Variants in C1orf198 observed in about 807,000 individuals in gnomAD.
The protein encoded by C1orf198 is uncharacterized protein C1orf198.
Under a neutral mutation model 31.4 loss-of-function variants are expected in C1orf198, and 17 were observed. The ratio of observed to expected loss-of-function variants is 0.54; its 90% CI spans 0.37 to 0.81. The LOEUF (loss-of-function observed/expected upper bound fraction) is 0.81, where lower values mean the gene tolerates loss of function less well. C1orf198 is among the 40% of genes least tolerant of loss of function. The pLI, the probability that C1orf198 is intolerant of heterozygous loss-of-function variation, is 0.00. For synonymous variants in C1orf198, 175 were observed against 193.8 expected, an observed-to-expected ratio of 0.90 and a Z score of 0.81; for missense variants, 401 against 450.3, an observed-to-expected ratio of 0.89 and a Z score of 0.99.
intron 2 of C1orf198, among the ~76,000 whole-genome samples, chr1:230,850,144 G>A (rs1321485024): frequency 6.6e-6 from 1 of 152,202 alleles, no homozygotes; most frequent in Admixed American, 6.5e-5. Flanking sequence ...GGACAAAGAC[G>A]CACCAACAAG....
chr1:230,859,156 C>A (rs1669946418), intron 1 of C1orf198, among the ~76,000 whole-genome samples: 1 of 152,198 alleles, frequency 6.6e-6, no homozygotes, highest in Admixed American at 6.5e-5. Flanking sequence ...CAAAAAAGCA[C>A]TGGCGGCAAG....
At chr1:230,850,057 G>A (rs930163798) in intron 2 of C1orf198, among the ~76,000 whole-genome samples, 1 of 152,200 alleles carries the variant, frequency 6.6e-6, no homozygotes, top group Non-Finnish European at 1.5e-5. Flanking sequence ...TGGGTGCAGA[G>A]GTGCACCAGT....
Position 230,843,441 on chromosome 1 carries a change from G to A in C1orf198, c.840C>T (p.Pro280=), listed in dbSNP as rs558480225. The A allele has an allele frequency of 1.1e-5, 17 of 1,597,770 alleles. No individual in the cohort carries two copies. In the South Asian group the frequency reaches 1.8e-4, roughly 17 times the overall value. ...AFSSALHEAA[P]SQLEGKLPSP... ...ATGGCAGCTTCCCCTCGAGCTGGGA[G>A]GGGGCAGCCTCGTGCAGTGCACTGC... The change falls in exon 3 of 4, where the codon CCC becomes CCT. Residue 280 remains proline (P), a synonymous_variant. Transcript: ENST00000366663. This position sits in a 1 kb window ranked among gnomAD's most constrained non-coding sequence, Gnocchi z 4.9.
rs1344663034 is a variant in C1orf198, at chr1:230,843,504, G to A, written c.777C>T (p.Ser259=). Reference sequence around the variant, plus strand: ...CAGGCTGGGGTCTCTCACGTTCGGTGCTCACGTTGGGAAGAGGACGCTGCT... The same window carrying A: ...CAGGCTGGGGTCTCTCACGTTCGGTACTCACGTTGGGAAGAGGACGCTGCT... ...RQEQRPLPNV[S]TERERPQPVQ... is the part of the protein sequence containing the mutation. Residue 259 remains serine, a synonymous_variant, in exon 3 of 4, where the codon AGC becomes AGT. Transcript: ENST00000366663. This position sits in a 1 kb window ranked among gnomAD's most constrained non-coding sequence, Gnocchi z 4.9. 4 of 1,612,262 alleles carry A rather than the reference G, an allele frequency of 2.5e-6. No homozygotes were observed. In the Admixed American group the frequency reaches 5.0e-5, roughly 20 times the overall value.
rs1411494214 is a variant in C1orf198 at position 230,843,741 on chromosome 1, G to T, written c.540C>A (p.Gly180=). ...ACGCTTCCTCCTCCTTCCTGGTGGG[G>T]CCCAGGGCGTCCAGGCTGGAGGACC... is the stretch of plus-strand genomic sequence containing the variant. The part of the protein sequence containing the change: ...GSRSSSLDAL[G]PTRKEEEASF... Residue 180 remains glycine (G), a synonymous_variant, in exon 3 of 4, where the codon GGC becomes GGA. Transcript: ENST00000366663. This position sits in a 1 kb window ranked among gnomAD's most constrained non-coding sequence, Gnocchi z 4.9. The T allele has an allele frequency of 6.2e-7, 1 of 1,613,998 alleles. No individual in the cohort carries two copies. Among genetic ancestry groups the T allele is most frequent in the African/African-American group, 1.3e-5 (1 of 74,950 alleles).
Position 230,841,116 on chromosome 1 carries a change from G to A in C1orf198, c.928-1208C>T, listed in dbSNP as rs74144844. ...GCCGAGTCTCAGAGAAAGAGTGCTG[G>A]TTAGGGAGGCAGGGAACTGAGCCTG... On this transcript the variant is annotated intron_variant, in intron 3 of 3. Coordinates refer to ENST00000366663, the MANE Select transcript of C1orf198 (RefSeq NM_032800.3). Among the ~76,000 whole-genome samples, 637 of 152,318 alleles carry A rather than the reference G, an allele frequency of 4.2e-3. 6 individuals carry two copies. Among genetic ancestry groups the A allele is most frequent in the African/African-American group, 0.014 (595 of 41,574 alleles).
intron 1 of C1orf198, among the ~76,000 whole-genome samples, chr1:230,865,713 T>A (rs962398686): frequency 2.6e-5 from 4 of 152,168 alleles, no homozygotes; most frequent in Non-Finnish European, 4.4e-5. Context: ...CTTCAGTGAG[T>A]GAACTGAGCC....
chr1:230,866,941 A>T (rs1670133965), intron 1 of C1orf198, among the ~76,000 whole-genome samples: 1 of 152,222 alleles, frequency 6.6e-6, no homozygotes, highest in Non-Finnish European at 1.5e-5. Flanking sequence ...ATAAAGAAAC[A>T]CTGGCAGCAT....
At chr1:230,859,067 G>C (rs1669943827) in intron 1 of C1orf198, among the ~76,000 whole-genome samples, 1 of 152,136 alleles carries the variant, frequency 6.6e-6, no homozygotes, top group Non-Finnish European at 1.5e-5. Flanking sequence ...AAACAATAAA[G>C]TGCTTAACAA....
At chr1:230,851,830 C>T (rs1669753030) in intron 2 of C1orf198, among the ~76,000 whole-genome samples, 3 of 152,324 alleles carry the variant, frequency 2.0e-5, no homozygotes, top group Admixed American at 6.5e-5. Flanking sequence ...ATCAAAGCTG[C>T]GTTGCATGGG....
Position 230,843,750 on chromosome 1 carries a change from G to A in C1orf198, c.531C>T (p.Asp177=), listed in dbSNP as rs370293584. 55 of 1,613,902 alleles carry A rather than the reference G, an allele frequency of 3.4e-5. No individual in the cohort carries two copies. Among genetic ancestry groups the A allele is most frequent in the Admixed American group, 1.7e-4 (10 of 60,004 alleles). ...SSQGSRSSSL[D]ALGPTRKEEE... Reference sequence around the variant, plus strand: ...CCTCCTTCCTGGTGGGGCCCAGGGCGTCCAGGCTGGAGGACCTGCTGCCTT... The same window carrying A: ...CCTCCTTCCTGGTGGGGCCCAGGGCATCCAGGCTGGAGGACCTGCTGCCTT... The change falls in exon 3 of 4, where the codon GAC becomes GAT. Residue 177 remains aspartate (D), a synonymous_variant. Coordinates refer to ENST00000366663, the MANE Select transcript of C1orf198 (RefSeq NM_032800.3). This position sits in a 1 kb window ranked among gnomAD's most constrained non-coding sequence, Gnocchi z 4.9.
chr1:230,858,726 C>G (rs562109348), intron 1 of C1orf198, among the ~76,000 whole-genome samples: 2 of 152,292 alleles, frequency 1.3e-5, no homozygotes, highest in Admixed American at 1.3e-4. Flanking sequence ...GCTGGACTCC[C>G]CTGTTACTCG....
chr1:230,866,692 A>T (rs1331667989), intron 1 of C1orf198, among the ~76,000 whole-genome samples: 1 of 152,166 alleles, frequency 6.6e-6, no homozygotes, highest in Non-Finnish European at 1.5e-5. Flanking sequence ...TTCCTGTCAT[A>T]TTTATTCGTG....
At chr1:230,869,376 T>G (rs1318910523), upstream of C1orf198, 2 of 152,208 alleles carry the variant, frequency 1.3e-5, no homozygotes, top group Non-Finnish European at 2.9e-5. Flanking sequence ...GGCCAGGGTT[T>G]GTAATTTTGA....
intron 1 of C1orf198, among the ~76,000 whole-genome samples, chr1:230,858,855 T>A (rs551918960): frequency 7.2e-5 from 11 of 152,334 alleles, no homozygotes; most frequent in African/African-American, 2.6e-4. Flanking sequence ...AACGAAGACT[T>A]AGCCCAGAGC....
At chr1:230,859,018 G>A (rs1428160694) in intron 1 of C1orf198, among the ~76,000 whole-genome samples, 3 of 151,998 alleles carry the variant, frequency 2.0e-5, no homozygotes. Context: ...GAAGTCAAGG[G>A]GCAGATTCCT....
At chr1:230,849,701 A>C (rs1669691072) in intron 2 of C1orf198, among the ~76,000 whole-genome samples, 1 of 152,238 alleles carries the variant, frequency 6.6e-6, no homozygotes, top group Non-Finnish European at 1.5e-5. Context: ...GCCAAAACTA[A>C]CTGTTTGGCT....
chr1:230,863,813 G>C (rs979887880), intron 1 of C1orf198, among the ~76,000 whole-genome samples: 2 of 152,236 alleles, frequency 1.3e-5, no homozygotes, highest in Admixed American at 6.5e-5. Flanking sequence ...CCCAGGTAGA[G>C]GGACTCAGAA....
rs2102967853 is a variant in C1orf198 at position 230,838,551 on chromosome 1, T to C, written c.*1301A>G. The C allele has an allele frequency of 6.6e-6, 1 of 152,230 alleles. No homozygotes were observed. Among genetic ancestry groups the C allele is most frequent in the Non-Finnish European group, 1.5e-5 (1 of 67,968 alleles). 9.4% of individuals were successfully genotyped at this position (152,230 alleles called of 1,614,324 possible). A position where few individuals can be genotyped will look rare whatever the true frequency, so the allele number is the denominator to read the frequency against. ...AAAAAGAAGAAGACACACTTTGGTA[T>C]TGAAACCGAGCGCTCACTGGCAGGT... On this transcript the variant is annotated 3_prime_UTR_variant, in exon 4 of 4. Transcript: ENST00000366663. The surrounding 1 kb of genome is among the most constrained non-coding windows in gnomAD (Gnocchi z 4.2).
Sources: allele counts gnomAD v4.1 joint callset (sites outside exome capture counted in the v4.1 genomes callset), GRCh38; gene constraint gnomAD v4.1.1; non-coding constraint Gnocchi (gnomAD v3.1); transcripts MANE v1.5; gene names NCBI Gene and HGNC (gene_info 2026-07-23, HGNC 2026-07-21).